Variants in NRXN1 observed in about 807,000 individuals in gnomAD.
NRXN1 encodes neurexin 1.
A neutral mutation model predicts 150.9 loss-of-function variants in NRXN1; 39 were observed. That is an observed-to-expected ratio of 0.26 (90% CI 0.20 to 0.34). The LOEUF (loss-of-function observed/expected upper bound fraction) is 0.34, where lower values mean the gene tolerates loss of function less well. Ranked by LOEUF, NRXN1 falls within the 10% of genes least tolerant of loss-of-function variation. The pLI is 1.00. For synonymous variants in NRXN1, 924 were observed against 757.0 expected, an observed-to-expected ratio of 1.22 and a Z score of -3.62; for missense variants, 1,815 against 1,949.9, an observed-to-expected ratio of 0.93 and a Z score of 1.30.
chr2:50,841,630 C>A (rs1264734377), intron 5 of NRXN1, among the ~76,000 whole-genome samples: 1 of 152,084 alleles, frequency 6.6e-6, no homozygotes, highest in Non-Finnish European at 1.5e-5. Context: ...AGACAAATGT[C>A]AACAGTTTTT....
At chr2:50,585,049 A>G (rs770252910) in intron 8 of NRXN1, among the ~76,000 whole-genome samples, 9 of 152,132 alleles carry the variant, frequency 5.9e-5, no homozygotes, top group Non-Finnish European at 1.3e-4. Flanking sequence ...CTAAGAATAA[A>G]TTTACATACC....
intron 18 of NRXN1, among the ~76,000 whole-genome samples, chr2:50,151,794 C>G (rs1377973565): frequency 6.6e-6 from 1 of 151,746 alleles, no homozygotes; most frequent in African/African-American, 2.4e-5. Flanking sequence ...AATTAGATAA[C>G]TGTATACTTT....
At chr2:50,076,165 G>A (rs1697070369) in intron 19 of NRXN1, among the ~76,000 whole-genome samples, 1 of 152,138 alleles carries the variant, frequency 6.6e-6, no homozygotes, top group Non-Finnish European at 1.5e-5. Flanking sequence ...GAGTGGGTTT[G>A]GGGACAGAAG....
Position 49,919,994 on chromosome 2 carries a change from G to A in NRXN1, c.*1950C>T, listed in dbSNP as rs1278405014. On this transcript the variant is annotated 3_prime_UTR_variant, in exon 23 of 23. Transcript: ENST00000401669. Reference sequence around the variant, plus strand: ...CTTCTCTTCTACAAAATTTTTTATCGTTCTTTTAGAAGGTATTCAAGTAAT... The same window carrying A: ...CTTCTCTTCTACAAAATTTTTTATCATTCTTTTAGAAGGTATTCAAGTAAT... 8 of 151,770 alleles carry A rather than the reference G, an allele frequency of 5.3e-5. No homozygotes were observed. The highest frequency in any genetic ancestry group is 3.9e-4 in the Admixed American group (6 of 15,226). 9.4% of individuals were successfully genotyped at this position (151,770 alleles called of 1,614,324 possible).
intron 18 of NRXN1, among the ~76,000 whole-genome samples, chr2:50,223,528 G>A (rs991943127): frequency 1.3e-5 from 2 of 151,864 alleles, no homozygotes; most frequent in Non-Finnish European, 2.9e-5. Flanking sequence ...GAGCCTAGAC[G>A]AGTAGCTGTC....
chr2:50,838,441 A>G (rs929281510), intron 5 of NRXN1, among the ~76,000 whole-genome samples: 9 of 152,124 alleles, frequency 5.9e-5, no homozygotes, highest in Non-Finnish European at 1.0e-4. Flanking sequence ...AGGACCTAAA[A>G]GAATTGTTCT....
intron 17 of NRXN1, among the ~76,000 whole-genome samples, chr2:50,307,271 T>C (rs2074712900): frequency 6.6e-6 from 1 of 152,194 alleles, no homozygotes; most frequent in African/African-American, 2.4e-5. Context: ...TGTGAGCCAC[T>C]GCACCCGGCC....
At chr2:50,234,753 G>A (rs1475535539) in intron 18 of NRXN1, among the ~76,000 whole-genome samples, 1 of 152,010 alleles carries the variant, frequency 6.6e-6, no homozygotes, top group African/African-American at 2.4e-5. Context: ...AAGAGAAAGG[G>A]TGTGTAGAGA....
intron 5 of NRXN1, among the ~76,000 whole-genome samples, chr2:50,677,526 C>A (rs1689724784): frequency 6.6e-6 from 1 of 152,070 alleles, no homozygotes; most frequent in Non-Finnish European, 1.5e-5. Flanking sequence ...AATTTACTGG[C>A]CTAATTCAGT....
chr2:50,545,113 G>C (rs1322944020), intron 9 of NRXN1, among the ~76,000 whole-genome samples: 1 of 152,162 alleles, frequency 6.6e-6, no homozygotes, highest in Non-Finnish European at 1.5e-5. Context: ...ATGGAGAACA[G>C]AGTAAATTGA....
chr2:50,942,238 G>T (rs944692409), intron 2 of NRXN1, among the ~76,000 whole-genome samples: 1 of 152,176 alleles, frequency 6.6e-6, no homozygotes, highest in Non-Finnish European at 1.5e-5. Context: ...ACACCTGGAT[G>T]TCCAGGCAGA....
chr2:50,618,226 C>A (rs1369793993), intron 8 of NRXN1, among the ~76,000 whole-genome samples: 1 of 152,084 alleles, frequency 6.6e-6, no homozygotes, highest in African/African-American at 2.4e-5. Context: ...AATGGAGTTT[C>A]AGAAATCTTC....
chr2:51,020,200 C>A (rs1669376958), intron 2 of NRXN1, among the ~76,000 whole-genome samples: 1 of 151,884 alleles, frequency 6.6e-6, no homozygotes, highest in South Asian at 2.1e-4. Context: ...CTAGTCAAGA[C>A]CACTAAAAGG....
intron 2 of NRXN1, among the ~76,000 whole-genome samples, chr2:50,989,671 G>A (rs1325407812): frequency 6.6e-6 from 1 of 151,986 alleles, no homozygotes; most frequent in African/African-American, 2.4e-5. Context: ...TTGCATGGAT[G>A]TACCCCAGTC....
At chr2:50,568,856 A>G (rs1419509817) in intron 8 of NRXN1, among the ~76,000 whole-genome samples, 1 of 152,210 alleles carries the variant, frequency 6.6e-6, no homozygotes, top group African/African-American at 2.4e-5. Context: ...GTTTATTGAA[A>G]CACTAGTCAC....
intron 17 of NRXN1, among the ~76,000 whole-genome samples, chr2:50,278,319 A>T (rs1323287212): frequency 2.3e-5 from 3 of 131,510 alleles, no homozygotes; most frequent in Non-Finnish European, 4.7e-5. Context: ...TATATATATT[A>T]TATATATATA....
chr2:50,479,353 G>A (rs927940585), intron 15 of NRXN1, among the ~76,000 whole-genome samples: 3 of 151,952 alleles, frequency 2.0e-5, no homozygotes, highest in Non-Finnish European at 4.4e-5. Context: ...CTCAACTTGG[G>A]GGACTCAACT....
At chr2:50,023,903 A>AT (rs1687919149) in intron 21 of NRXN1, 1 of 152,226 alleles carries the variant, frequency 6.6e-6, no homozygotes, top group African/African-American at 2.4e-5. Flanking sequence ...TTAAAACATT[A>AT]TTAACATTAT....
chr2:50,338,707 G>GAA lies in NRXN1; in HGVS notation c.3365-101739_3365-101738dup, dbSNP rs56387541. On this transcript the variant is annotated intron_variant, in intron 17 of 22. Transcript: ENST00000401669. Reference sequence around the variant, plus strand: ...CTTGGATAGTTTTATATTAGAAAGAGAAAAAAAAAAAAAAGATAAAACAAT... The same window carrying GAA: ...CTTGGATAGTTTTATATTAGAAAGAGAAAAAAAAAAAAAAAAGATAAAACAAT... 2.4e-4 allele frequency among the ~76,000 whole-genome samples: 32 copies of GAA among 135,268 alleles called. 1 individual carries two copies. Among genetic ancestry groups the GAA allele is most frequent in the African/African-American group, 6.8e-4 (25 of 36,854 alleles). 88.7% of individuals were successfully genotyped at this position (135,268 alleles called of 152,430 possible).
Sources: gnomAD v4.1 joint callset for allele counts (sites outside exome capture counted in the v4.1 genomes callset) on GRCh38, gnomAD v4.1.1 for gene constraint, MANE v1.5 for transcripts, NCBI Gene and HGNC (gene_info 2026-07-23, HGNC 2026-07-21) for gene names.